The following ATP5PD variants were observed in gnomAD, a reference collection of about 807,000 sequenced individuals.
ATP5PD encodes the protein ATP synthase peripheral stalk subunit d.
A neutral mutation model predicts 22.6 loss-of-function variants in ATP5PD; 13 were observed. That is an observed-to-expected ratio of 0.58 (90% CI 0.37 to 0.91). The LOEUF (loss-of-function observed/expected upper bound fraction) is 0.91. ATP5PD is among the 40% of genes least tolerant of loss of function. The pLI, the probability that ATP5PD is intolerant of heterozygous loss-of-function variation, is 0.00. For missense variants in ATP5PD, 165 were observed against 188.0 expected, an observed-to-expected ratio of 0.88 and a Z score of 0.72; for synonymous variants, 51 against 65.0, an observed-to-expected ratio of 0.79 and a Z score of 1.03.
chr17:75,045,663 T>TTA (rs58586812), intron 1 of ATP5PD, among the ~76,000 whole-genome samples: 20,193 of 152,264 alleles, frequency 0.13, 2,050 homozygotes, highest in East Asian at 0.57. Context: ...GAGTTTAAGG[T>TTA]TCTCTCTTGT....
chr17:75,040,589 A>G (rs1017603336), intron 3 of ATP5PD: 12 of 182,354 alleles, frequency 6.6e-5, no homozygotes, highest in African/African-American at 2.1e-4. Flanking sequence ...TCTCCTTAGA[A>G]GACTGCTTAG....
intron 2 of ATP5PD, 73 bp from the exon 3 acceptor site, chr17:75,042,350 C>G (rs150876625): frequency 2.6e-6 from 4 of 1,549,670 alleles, no homozygotes; most frequent in Non-Finnish European, 2.7e-6. Flanking sequence ...TTTTCCTATC[C>G]CTTCTTCCTA....
chr17:75,039,448 C>A (rs2073136071), intron 4 of ATP5PD, 177 bp from the exon 5 acceptor site: 2 of 595,220 alleles, frequency 3.4e-6, no homozygotes, highest in Non-Finnish European at 3.0e-6. Context: ...TCTTAACACT[C>A]ACAGAGAAGC....
At chr17:75,043,542 G>A (rs112722430) in intron 1 of ATP5PD, among the ~76,000 whole-genome samples, 1,804 of 151,572 alleles carry the variant, frequency 0.012, 34 homozygotes, top group African/African-American at 0.042. Context: ...GAACCTGGGC[G>A]GCGGAGGTTG....
Position 75,044,367 on chromosome 17 carries a change from G to A in ATP5PD, c.-9-1708C>T, listed in dbSNP as rs111538698. ...ACTACAGGCGCCCGCCACCGCGCCCGGCTAATTTTTTGTATTTTTAGTAGA... is the reference window on the plus strand; with the variant it reads ...ACTACAGGCGCCCGCCACCGCGCCCAGCTAATTTTTTGTATTTTTAGTAGA... On this transcript the variant is annotated intron_variant, in intron 1 of 5. Transcript: ENST00000301587. 6.8e-4 allele frequency among the ~76,000 whole-genome samples: 78 copies of A among 115,092 alleles called. 9 individuals carry two copies. Among genetic ancestry groups the A allele is most frequent in the African/African-American group, 5.2e-4 (8 of 15,378 alleles). The allele number at this position is 115,092 out of a possible 152,430, so 75.5% of individuals were successfully genotyped here. A position where few individuals can be genotyped will look rare whatever the true frequency, so the allele number is the denominator to read the frequency against.
chr17:75,044,224 A>G (rs544765254), intron 1 of ATP5PD, among the ~76,000 whole-genome samples: 2 of 74,756 alleles, frequency 2.7e-5, no homozygotes, highest in African/African-American at 2.4e-4. Flanking sequence ...TTTGAGACGG[A>G]GTCTCGCTCT....
At chr17:75,042,110 A>G (rs2073167231) in intron 3 of ATP5PD, 71 bp downstream of exon 3, 1 of 1,350,522 alleles carries the variant, frequency 7.4e-7, no homozygotes, top group Non-Finnish European at 1.0e-6. Flanking sequence ...TGTGTATGTA[A>G]TTATCCCTGT....
intron 4 of ATP5PD, 69 bp downstream of exon 4, chr17:75,040,023 A>G (rs1598685646): frequency 6.5e-7 from 1 of 1,527,198 alleles, no homozygotes; most frequent in African/African-American, 1.4e-5. Context: ...CTCTAACTTA[A>G]CTTAGCTATA....
rs980555717 is a variant in ATP5PD at position 75,039,583 on chromosome 17, G to C, written c.292-312C>G. 7 of 346,324 alleles carry C rather than the reference G, an allele frequency of 2.0e-5. No homozygotes were observed. The Admixed American group carries it at 2.6e-4, about 13-fold the overall frequency. 21.5% of individuals were successfully genotyped at this position (346,324 alleles called of 1,614,324 possible). A position where few individuals can be genotyped will look rare whatever the true frequency, so the allele number is the denominator to read the frequency against. ...TGAATGGTCAGGACACGCCACCTGA[G>C]CACCTAGCCAGACTTCTCTCTGGTG... is the stretch of plus-strand genomic sequence containing the variant. On this transcript the variant is annotated intron_variant, in intron 4 of 5. Coordinates refer to ENST00000301587, the MANE Select transcript of ATP5PD (RefSeq NM_006356.3).
At position 75,040,035 on chromosome 17, in the gene ATP5PD, T is replaced by G. The variant is rs565404599; in HGVS notation, c.291+57A>C. 2.0e-5 allele frequency: 32 copies of G among 1,577,334 alleles called. No homozygotes were observed. In the African/African-American group the frequency reaches 2.2e-4, roughly 11 times the overall value. ...TCACTCTAACTTAACTTAGCTATAA[T>G]AGAGAGCTGTCAAGATCAAGAGAAT... On this transcript the variant is annotated intron_variant, in intron 4 of 5. Transcript: ENST00000301587.
intron 1 of ATP5PD, among the ~76,000 whole-genome samples, chr17:75,046,034 G>C (rs941253650): frequency 6.6e-6 from 1 of 152,212 alleles, no homozygotes; most frequent in Non-Finnish European, 1.5e-5. Flanking sequence ...TCTGTTTGGG[G>C]TCCCTGATTT....
chr17:75,044,071 C>G (rs12939787), intron 1 of ATP5PD, among the ~76,000 whole-genome samples: 12,211 of 148,356 alleles, frequency 0.082, 806 homozygotes, highest in African/African-American at 0.19. Context: ...GTCCCCCGGG[C>G]TGGAGTGCAG....
intron 1 of ATP5PD, among the ~76,000 whole-genome samples, chr17:75,045,900 T>G (rs1028625024): frequency 2.0e-5 from 3 of 152,116 alleles, no homozygotes; most frequent in African/African-American, 7.2e-5. Context: ...TCTCTACAAT[T>G]TATGTTTAGA....
intron 1 of ATP5PD, among the ~76,000 whole-genome samples, chr17:75,044,930 A>T (rs2073198041): frequency 6.6e-6 from 1 of 152,180 alleles, no homozygotes; most frequent in South Asian, 2.1e-4. Context: ...GGAGGTGTTA[A>T]GGCAATTGGC....
chr17:75,046,809 A>C (rs1406259493), intron 1 of ATP5PD, 116 bp downstream of exon 1: 2 of 152,394 alleles, frequency 1.3e-5, no homozygotes, highest in Non-Finnish European at 2.9e-5. Context: ...CCAGCGGGGC[A>C]AGCCGAGGGC....
chr17:75,045,790 C>A (rs1364569803), intron 1 of ATP5PD, among the ~76,000 whole-genome samples: 2 of 152,034 alleles, frequency 1.3e-5, no homozygotes, highest in African/African-American at 4.8e-5. Context: ...GGTCCTGGAA[C>A]GATATACATC....
chr17:75,040,432 T>C (rs2073147363), intron 3 of ATP5PD: 1 of 439,312 alleles, frequency 2.3e-6, no homozygotes, highest in South Asian at 3.3e-5. Context: ...GATGATAAGC[T>C]TCATTTTCTT....
intron 3 of ATP5PD, chr17:75,040,846 A>G (rs2073152405): frequency 6.6e-6 from 1 of 151,388 alleles, no homozygotes; most frequent in Non-Finnish European, 1.5e-5. Flanking sequence ...AGATGGCCCC[A>G]CTGCACTCCA....
At chr17:75,042,377 C>T in intron 2 of ATP5PD, 100 bp from the exon 3 acceptor site, 1 of 1,497,742 alleles carries the variant, frequency 6.7e-7, no homozygotes, top group African/African-American at 1.4e-5. Flanking sequence ...GGAGGGTCAC[C>T]ACACTTTCCT....
Sources: allele counts gnomAD v4.1 joint callset (sites outside exome capture counted in the v4.1 genomes callset), GRCh38; gene constraint gnomAD v4.1.1; transcripts MANE v1.5; gene names NCBI Gene and HGNC (gene_info 2026-07-23, HGNC 2026-07-21).